Variants in CMYA5 observed in about 807,000 individuals in gnomAD.
CMYA5 encodes the protein cardiomyopathy-associated protein 5.
CMYA5 carries 246 observed loss-of-function variants against 318.9 expected under a neutral mutation model. The observed-to-expected ratio is 0.77, with a 90% CI of 0.70 to 0.86. The LOEUF is 0.86. Among genes scored for constraint, CMYA5 ranks in the 40% least tolerant of loss-of-function variants. The pLI, the probability that CMYA5 is intolerant of heterozygous loss-of-function variation, is 0.00. For missense variants in CMYA5, 4,589 were observed against 4,678.2 expected, an observed-to-expected ratio of 0.98 and a Z score of 0.56; for synonymous variants, 1,641 against 1,729.5, an observed-to-expected ratio of 0.95 and a Z score of 1.27.
chr5:79,711,004 A>G (rs1827379131), intron 1 of CMYA5, among the ~76,000 whole-genome samples: 1 of 152,182 alleles, frequency 6.6e-6, no homozygotes, highest in Admixed American at 6.5e-5. Context: ...TTATTCCAAT[A>G]CAGTCCTCTA....
At chr5:79,788,416 G>A (rs1397223248) in intron 9 of CMYA5, among the ~76,000 whole-genome samples, 1 of 151,190 alleles carries the variant, frequency 6.6e-6, no homozygotes, top group Non-Finnish European at 1.5e-5. Context: ...ACCACTATCA[G>A]CATTTTTCTT....
chr5:79,701,092 A>C (rs1009233806), intron 1 of CMYA5, among the ~76,000 whole-genome samples: 6 of 120,418 alleles, frequency 5.0e-5, no homozygotes, highest in African/African-American at 1.8e-4. Flanking sequence ...TAAAAATACA[A>C]AAAAAAAAAA....
intron 1 of CMYA5, among the ~76,000 whole-genome samples, chr5:79,699,224 G>A (rs76060119): frequency 1.7e-3 from 260 of 152,232 alleles, no homozygotes; most frequent in African/African-American, 6.1e-3. Context: ...GAATGAATGA[G>A]TACTGGGTTT....
Position 79,743,938 on chromosome 5 carries a change from C to T in CMYA5, c.10734+16C>T, listed in dbSNP as rs1004874122. 3 of 1,304,642 alleles carry T rather than the reference C, an allele frequency of 2.3e-6. No individual in the cohort carries two copies. The African/African-American group carries it at 4.5e-5, about 19-fold the overall frequency. The allele number at this position is 1,304,642 out of a possible 1,614,324, so 80.8% of individuals were successfully genotyped here. On this transcript the variant is annotated intron_variant, in intron 3 of 12. Transcript: ENST00000446378. ...TACCATTGAGGTAAGTTAACACACC[C>T]ATTTTACCTTAACCTGGCTTGTTCA...
intron 1 of CMYA5, among the ~76,000 whole-genome samples, chr5:79,692,362 C>T (rs376463123): frequency 1.8e-4 from 27 of 152,264 alleles, no homozygotes; most frequent in African/African-American, 6.0e-4. Context: ...TGTAAACGTT[C>T]CTTTACCCTT....
chr5:79,785,705 A>G (rs900953165), intron 9 of CMYA5, among the ~76,000 whole-genome samples: 2 of 152,104 alleles, frequency 1.3e-5, no homozygotes, highest in African/African-American at 4.8e-5. Flanking sequence ...TGGTCCCATC[A>G]TCTGCAAATG....
At chr5:79,767,944 G>T (rs9716086) in intron 9 of CMYA5, among the ~76,000 whole-genome samples, 4,707 of 152,206 alleles carry the variant, frequency 0.031, 242 homozygotes, top group African/African-American at 0.11. Context: ...AAGTCTCTTT[G>T]TAGGTCTCTA....
At chr5:79,706,865 T>A (rs1827284533) in intron 1 of CMYA5, among the ~76,000 whole-genome samples, 1 of 152,042 alleles carries the variant, frequency 6.6e-6, no homozygotes. Context: ...TTTCAGGGGG[T>A]CTCCCTACAC....
In CMYA5 at chr5:79,707,617, G is replaced by A. The variant is rs560650739; in HGVS notation, c.149+17561G>A. Among the ~76,000 whole-genome samples the A allele has an allele frequency of 3.9e-5, 6 of 152,290 alleles. No homozygotes were observed. The South Asian group carries it at 1.2e-3, about 32-fold the overall frequency. On this transcript the variant is annotated intron_variant, in intron 1 of 12. Coordinates refer to ENST00000446378, the MANE Select transcript of CMYA5 (RefSeq NM_153610.5). ...TTAATTCAACACTGAAAAGGAAAAG[G>A]AAGAGAAGAAAAATATTTTCATTTG...
At chr5:79,747,986 T>C (rs1170140905) in intron 5 of CMYA5, among the ~76,000 whole-genome samples, 1 of 152,246 alleles carries the variant, frequency 6.6e-6, no homozygotes, top group Non-Finnish European at 1.5e-5. Context: ...ATTAGAAATA[T>C]GATTTTTTTA....
At chr5:79,755,372 C>T (rs758747366) in intron 6 of CMYA5, among the ~76,000 whole-genome samples, 2 of 152,048 alleles carry the variant, frequency 1.3e-5, no homozygotes, top group East Asian at 1.9e-4. Flanking sequence ...CTGCAACCTC[C>T]GCCTCCCGGG....
chr5:79,791,119 C>G (rs1829170721), intron 11 of CMYA5, 50 bp downstream of exon 11: 3 of 1,338,802 alleles, frequency 2.2e-6, no homozygotes, highest in Non-Finnish European at 3.2e-6. Flanking sequence ...GCAGTAGGGT[C>G]TTAGGGTGTG....
At chr5:79,744,910 A>T (rs189260531) in intron 3 of CMYA5, among the ~76,000 whole-genome samples, 6 of 152,334 alleles carry the variant, frequency 3.9e-5, no homozygotes, top group Middle Eastern at 3.4e-3. Flanking sequence ...ACTCAACGTG[A>T]TGCCATTTTC....
chr5:79,690,023 C>T lies in CMYA5; in HGVS notation c.116C>T (p.Thr39Met), dbSNP rs907702427. The T allele has an allele frequency of 2.7e-5, 40 of 1,478,378 alleles. No individual in the cohort carries two copies. The highest frequency in any genetic ancestry group is 3.3e-5 in the Non-Finnish European group (37 of 1,109,988). 91.6% of individuals were successfully genotyped at this position (1,478,378 alleles called of 1,614,324 possible). Reference protein sequence around the residue: ...EEESEGEEDETAAESEEEPDS... With the variant: ...EEESEGEEDEMAAESEEEPDS... ...GAGTCGGAGGGCGAGGAGGACGAGACGGCGGCGGAGTCGGAGGAGGAGCCG... is the reference window on the plus strand; with the variant it reads ...GAGTCGGAGGGCGAGGAGGACGAGATGGCGGCGGAGTCGGAGGAGGAGCCG... The change falls in exon 1 of 13, where the codon ACG becomes ATG. Residue 39 changes from threonine (T) to methionine (M), a missense_variant. Around this residue, in one of 3 missense-constraint regions of CMYA5, gnomAD observed 2,132 missense variants for 2,131.3 expected, o/e 1.00. Transcript: ENST00000446378.
Position 79,734,805 on chromosome 5 carries a change from A to T in CMYA5, c.6040A>T (p.Met2014Leu). 6.2e-7 allele frequency: 1 copy of T among 1,613,790 alleles called. No homozygotes were observed. Among genetic ancestry groups the T allele is most frequent in the South Asian group, 1.1e-5 (1 of 91,072 alleles). The change falls in exon 2 of 13, where the codon ATG becomes TTG. Residue 2014 changes from methionine to leucine, a missense_variant. Met to Leu is a conservative substitution (Grantham distance 15). Coordinates refer to ENST00000446378, the MANE Select transcript of CMYA5 (RefSeq NM_153610.5). ...IAEGKEIHSL[M>L]ESESLLLEKA... Reference sequence around the variant, plus strand: ...AGAGGGGAAGGAGATTCATTCTTTGATGGAGAGTGAAAGTTTGCTATTGGA... The same window carrying T: ...AGAGGGGAAGGAGATTCATTCTTTGTTGGAGAGTGAAAGTTTGCTATTGGA...
chr5:79,745,149 G>A lies in CMYA5; in HGVS notation c.10735-73G>A, dbSNP rs180834949. 2,016 of 936,266 alleles carry A rather than the reference G, an allele frequency of 2.2e-3. 25 individuals are homozygous for A. Among genetic ancestry groups the A allele is most frequent in the South Asian group, 0.018 (1,082 of 59,034 alleles). The allele number at this position is 936,266 out of a possible 1,614,324, so 58.0% of individuals were successfully genotyped here. On this transcript the variant is annotated intron_variant, in intron 3 of 12. Coordinates refer to ENST00000446378, the MANE Select transcript of CMYA5 (RefSeq NM_153610.5). ...GAGGTCAATTCTTTAAAAGGCTGGTGTTTCCAAAAAAAAAAAAAAGCAGCA... is the reference window on the plus strand; with the variant it reads ...GAGGTCAATTCTTTAAAAGGCTGGTATTTCCAAAAAAAAAAAAAAGCAGCA...
At chr5:79,787,201 G>T (rs957992683) in intron 9 of CMYA5, among the ~76,000 whole-genome samples, 1 of 151,978 alleles carries the variant, frequency 6.6e-6, no homozygotes, top group Admixed American at 6.6e-5. Flanking sequence ...ACCAATCCTT[G>T]TCACTTTTCC....
intron 9 of CMYA5, among the ~76,000 whole-genome samples, chr5:79,771,697 A>G (rs1489654903): frequency 1.3e-5 from 2 of 152,178 alleles, no homozygotes; most frequent in East Asian, 3.8e-4. Flanking sequence ...CTTCTCAGCA[A>G]TCCTATGAGG....
At position 79,709,960 on chromosome 5, in the gene CMYA5, CAAAAAAAAAAAAAA is replaced by C. The variant is rs61657639; in HGVS notation, c.150-18940_150-18927del. On this transcript the variant is annotated intron_variant, in intron 1 of 12. Coordinates refer to ENST00000446378, the MANE Select transcript of CMYA5 (RefSeq NM_153610.5). ...TGGGTGACAGAGTGAGACTCCATCT[CAAAAAAAAAAAAAA>C]AAAAAAAAAAAAAAGAAAGAAAGAA... Among the ~76,000 whole-genome samples the C allele has an allele frequency of 1.1e-3, 27 of 24,322 alleles. No individual in the cohort carries two copies. The South Asian group carries it at 0.056, about 51-fold the overall frequency. 16.0% of individuals were successfully genotyped at this position (24,322 alleles called of 152,430 possible).
Sources: gnomAD v4.1 joint callset for allele counts (sites outside exome capture counted in the v4.1 genomes callset) on GRCh38, gnomAD v4.1.1 for gene constraint, gnomAD v4.1.1 regional missense constraint, MANE v1.5 for transcripts, NCBI Gene and HGNC (gene_info 2026-07-23, HGNC 2026-07-21) for gene names.